UNC79: variants seen among roughly 807,000 people sequenced by gnomAD.
UNC79 encodes the protein unc-79 subunit of NALCN channel complex.
Under a neutral mutation model 283.1 loss-of-function variants are expected in UNC79, and 37 were observed. The observed-to-expected ratio is 0.13, with a 90% CI of 0.10 to 0.17. The LOEUF (loss-of-function observed/expected upper bound fraction) is 0.17, where lower values mean the gene tolerates loss of function less well. Ranked by LOEUF, UNC79 falls within the 10% of genes least tolerant of loss-of-function variation. The pLI is 1.00. For synonymous variants in UNC79, 1,107 were observed against 1,200.2 expected (o/e 0.92, Z 1.61); for missense variants, 2,272 against 3,211.1 (o/e 0.71, Z 7.07).
intron 4 of UNC79, among the ~76,000 whole-genome samples, chr14:93,484,422 A>G (rs1387639699): frequency 6.6e-6 from 1 of 152,222 alleles, no homozygotes; most frequent in African/African-American, 2.4e-5. Context: ...CTTTTCCTAT[A>G]TAACTCCTCT....
chr14:93,451,408 G>A (rs1183753825), intron 1 of UNC79, among the ~76,000 whole-genome samples: 1 of 152,246 alleles, frequency 6.6e-6, no homozygotes, highest in African/African-American at 2.4e-5. Context: ...AGCCTGAAGG[G>A]TAAGGGTCTA....
At chr14:93,345,576 AAAAT>A (rs1382740378) in intron 1 of UNC79, among the ~76,000 whole-genome samples, 2 of 152,210 alleles carry the variant, frequency 1.3e-5, no homozygotes, top group African/African-American at 2.4e-5. Flanking sequence ...CTATAATTCT[AAAAT>A]AAAAAATCAT....
intron 5 of UNC79, 78 bp from the exon 6 acceptor site, chr14:93,496,333 T>C: frequency 1.1e-6 from 1 of 942,290 alleles, no homozygotes; most frequent in East Asian, 3.1e-5. Flanking sequence ...ATTGAAGTAA[T>C]TTCTTATATA....
At chr14:93,643,208 G>A (rs2069235204) in intron 33 of UNC79, among the ~76,000 whole-genome samples, 1 of 152,186 alleles carries the variant, frequency 6.6e-6, no homozygotes. Context: ...ACTTTCCTCA[G>A]CAATAATGTC....
At position 93,621,524 on chromosome 14, in the gene UNC79, G is replaced by A; in HGVS notation, c.4388-97G>A. 1 of 1,356,822 alleles carries A rather than the reference G, an allele frequency of 7.4e-7. No individual in the cohort carries two copies. The highest frequency in any genetic ancestry group is 9.7e-7 in the Non-Finnish European group (1 of 1,035,646). The allele number at this position is 1,356,822 out of a possible 1,614,324, so 84.0% of individuals were successfully genotyped here. On this transcript the variant is annotated intron_variant, in intron 29 of 48. Coordinates refer to ENST00000555664, the Ensembl canonical transcript of UNC79. The surrounding 1 kb of genome is among the most constrained non-coding windows in gnomAD (Gnocchi z 4.8). The stretch of plus-strand genomic sequence containing the variant: ...TTTCCCTCCTGGTGGAGCTGGGATT[G>A]TGATGATGATTTATGCCAATTGTAT...
At position 93,538,332 on chromosome 14, in the gene UNC79, G is replaced by T. The variant is rs566444750; in HGVS notation, c.1352+114G>T. 27 of 1,056,412 alleles carry T rather than the reference G, an allele frequency of 2.6e-5. No homozygotes were observed. In the African/African-American group the frequency reaches 4.0e-4, roughly 16 times the overall value. 65.4% of individuals were successfully genotyped at this position (1,056,412 alleles called of 1,614,324 possible). On this transcript the variant is annotated intron_variant, in intron 12 of 48. Coordinates refer to ENST00000555664, the Ensembl canonical transcript of UNC79. ...AACCTCAAATGCCCTTAGCCCAGATGCTCACCTTCCCACAGTGTTGTAATG... is the reference window on the plus strand; with the variant it reads ...AACCTCAAATGCCCTTAGCCCAGATTCTCACCTTCCCACAGTGTTGTAATG...
chr14:93,675,307 C>A (rs2073242780), intron 41 of UNC79, among the ~76,000 whole-genome samples: 1 of 152,194 alleles, frequency 6.6e-6, no homozygotes, highest in African/African-American at 2.4e-5. Flanking sequence ...AAGTGGCTAA[C>A]TGAACCTAGG....
chr14:93,365,086 A>G (rs1217487123), intron 1 of UNC79, among the ~76,000 whole-genome samples: 2 of 152,034 alleles, frequency 1.3e-5, no homozygotes, highest in Non-Finnish European at 2.9e-5. Flanking sequence ...AAACCTTTTA[A>G]TTAAAAAAAT....
At chr14:93,369,100 C>T (rs1370184486) in intron 1 of UNC79, among the ~76,000 whole-genome samples, 2 of 152,184 alleles carry the variant, frequency 1.3e-5, no homozygotes, top group Non-Finnish European at 2.9e-5. Flanking sequence ...GAAGACGAGG[C>T]AATGATTGCT....
chr14:93,419,250 C>T (rs1339928284), intron 1 of UNC79, among the ~76,000 whole-genome samples: 1 of 150,802 alleles, frequency 6.6e-6, no homozygotes, highest in African/African-American at 2.4e-5. Context: ...CTCTCTGCAA[C>T]CTCCACTTCC....
intron 1 of UNC79, among the ~76,000 whole-genome samples, chr14:93,342,560 T>G (rs1021973454): frequency 1.6e-4 from 24 of 152,248 alleles, no homozygotes; most frequent in Non-Finnish European, 2.9e-4. Context: ...TCTCTTTACT[T>G]ATGCAAATTT....
chr14:93,587,866 A>G (rs2064332525), intron 22 of UNC79, among the ~76,000 whole-genome samples: 1 of 152,206 alleles, frequency 6.6e-6, no homozygotes, highest in South Asian at 2.1e-4. Flanking sequence ...GGGAGAGAGC[A>G]TTTCTGGATG....
intron 1 of UNC79, among the ~76,000 whole-genome samples, chr14:93,431,392 A>C (rs2055870944): frequency 1.4e-5 from 2 of 142,754 alleles, no homozygotes; most frequent in South Asian, 4.6e-4. Flanking sequence ...CTCTTGTTGG[A>C]GTGGGGGAAG....
rs1187036282 is a variant in UNC79, at chr14:93,531,788, G to C, written c.1094-762G>C. Among the ~76,000 whole-genome samples, 1 of 152,200 alleles carries C rather than the reference G, an allele frequency of 6.6e-6. No homozygotes were observed. The highest frequency in any genetic ancestry group is 1.5e-5 in the Non-Finnish European group (1 of 68,038). On this transcript the variant is annotated intron_variant, in intron 10 of 48. Coordinates refer to ENST00000555664, the Ensembl canonical transcript of UNC79. This position sits in a 1 kb window ranked among gnomAD's most constrained non-coding sequence, Gnocchi z 4.2. ...GGAAGAACAGTAAATGGGGAATTTG[G>C]AGACTTGAACTCAAGGTCTGCCCCT...
At chr14:93,457,755 G>T (rs2056836401) in intron 1 of UNC79, among the ~76,000 whole-genome samples, 2 of 152,198 alleles carry the variant, frequency 1.3e-5, no homozygotes, top group Admixed American at 1.3e-4. Context: ...AATCAGTCTG[G>T]ACATCACAGC....
intron 1 of UNC79, among the ~76,000 whole-genome samples, chr14:93,377,675 A>G (rs2139980989): frequency 6.6e-6 from 1 of 152,342 alleles, no homozygotes; most frequent in Middle Eastern, 3.4e-3. Context: ...TTATAGCTGT[A>G]GTGGAATCCA....
intron 1 of UNC79, among the ~76,000 whole-genome samples, chr14:93,410,157 T>C (rs4900183): frequency 0.017 from 2,654 of 152,248 alleles, 42 homozygotes; most frequent in South Asian, 0.028. Context: ...TGGGAGTGGG[T>C]GAGTGCAGCA....
intron 22 of UNC79, among the ~76,000 whole-genome samples, chr14:93,590,933 T>G (rs1312341800): frequency 6.6e-6 from 1 of 152,224 alleles, no homozygotes; most frequent in African/African-American, 2.4e-5. Context: ...TCATCGTCCT[T>G]GTAATCATGA....
rs184281249 is a variant in UNC79 at position 93,648,098 on chromosome 14, A to G, written c.6083+1452A>G. 7.0e-3 allele frequency among the ~76,000 whole-genome samples: 1,065 copies of G among 152,334 alleles called. 1 individual carries two copies. Among genetic ancestry groups the G allele is most frequent in the Non-Finnish European group, 0.012 (847 of 68,024 alleles). On this transcript the variant is annotated intron_variant, in intron 35 of 48. Transcript: ENST00000555664. Reference sequence around the variant, plus strand: ...TTGGGTGGAGACACAGGCAAACCATATTACCTGCTTTGAAGGATCACTGCC... The same window carrying G: ...TTGGGTGGAGACACAGGCAAACCATGTTACCTGCTTTGAAGGATCACTGCC...
Sources: gnomAD v4.1 joint callset for allele counts (sites outside exome capture counted in the v4.1 genomes callset) on GRCh38, gnomAD v4.1.1 for gene constraint, Gnocchi (gnomAD v3.1) non-coding constraint, MANE v1.5 for transcripts, NCBI Gene and HGNC (gene_info 2026-07-23, HGNC 2026-07-21) for gene names.